CPEB1: variants seen among roughly 807,000 people sequenced by gnomAD.
CPEB1 encodes cytoplasmic polyadenylation element-binding protein 1.
In CPEB1, 7 loss-of-function variants were observed where a neutral mutation model predicts 65.8. That is an observed-to-expected ratio of 0.11 (90% CI 0.06 to 0.20). The LOEUF is 0.20. Ranked by LOEUF, CPEB1 falls within the 10% of genes least tolerant of loss-of-function variation. CPEB1 has a pLI of 1.00. For missense variants in CPEB1, 551 were observed against 712.2 expected, an observed-to-expected ratio of 0.77 and a Z score of 2.58; for synonymous variants, 262 against 260.0, an observed-to-expected ratio of 1.01 and a Z score of -0.08.
In CPEB1 at chr15:82,544,530, C is replaced by T. The variant is rs2034824089; in HGVS notation, c.*62G>A. On this transcript the variant is annotated 3_prime_UTR_variant, in exon 13 of 13. Transcript: ENST00000684509. ...CCTGGTCGCCAGTGGCAGGGTGGTG[C>T]AGGCTGCTTGCCTGACCTGCCAGCT... 1 of 1,285,562 alleles carries T rather than the reference C, an allele frequency of 7.8e-7. No individual in the cohort carries two copies. Among genetic ancestry groups the T allele is most frequent in the Non-Finnish European group, 1.1e-6 (1 of 901,414 alleles). The allele number at this position is 1,285,562 out of a possible 1,614,324, so 79.6% of individuals were successfully genotyped here.
chr15:82,580,232 A>T (rs936734409), intron 3 of CPEB1, among the ~76,000 whole-genome samples: 8 of 151,596 alleles, frequency 5.3e-5, no homozygotes, highest in Non-Finnish European at 8.8e-5. Flanking sequence ...GAGGCAGAAG[A>T]ATCGCTTGAA....
upstream of CPEB1, chr15:82,647,894 C>T (rs1412260803): frequency 8.1e-7 from 1 of 1,233,452 alleles, no homozygotes; most frequent in South Asian, 3.6e-5. Flanking sequence ...CCCTGCGGGG[C>T]TGACGGGCTG....
At chr15:82,560,444 G>A (rs2038003281) in intron 4 of CPEB1, among the ~76,000 whole-genome samples, 1 of 147,282 alleles carries the variant, frequency 6.8e-6, no homozygotes, top group African/African-American at 2.5e-5. Context: ...CTGTTGCCCA[G>A]GCTGGAGTGC....
At chr15:82,604,943 G>C (rs1284387032) in intron 3 of CPEB1, among the ~76,000 whole-genome samples, 1 of 152,128 alleles carries the variant, frequency 6.6e-6, no homozygotes, top group East Asian at 1.9e-4. Flanking sequence ...CCTACACCAA[G>C]ACACATTAAA....
chr15:82,592,280 C>T (rs1389122100), intron 3 of CPEB1, among the ~76,000 whole-genome samples: 1 of 152,096 alleles, frequency 6.6e-6, no homozygotes, highest in African/African-American at 2.4e-5. Flanking sequence ...TTTTTGGTTT[C>T]CCAGTGCACA....
In CPEB1 at chr15:82,589,368, G is replaced by A. The variant is rs2042041448; in HGVS notation, c.272-17836C>T. Among the ~76,000 whole-genome samples the A allele has an allele frequency of 2.6e-5, 4 of 152,288 alleles. No individual in the cohort carries two copies. The South Asian group carries it at 8.3e-4, about 32-fold the overall frequency. ...AGAGACCTCAATTGTATGTGGGGCG[G>A]CAATTTAATCACTAACCCCTGCCCC... On this transcript the variant is annotated intron_variant, in intron 3 of 12. Transcript: ENST00000684509.
intron 3 of CPEB1, among the ~76,000 whole-genome samples, chr15:82,610,021 C>T (rs570941910): frequency 6.7e-6 from 1 of 148,202 alleles, no homozygotes; most frequent in Non-Finnish European, 1.5e-5. Context: ...GATCACCCCA[C>T]TGCACTCCAG....
intron 3 of CPEB1, among the ~76,000 whole-genome samples, chr15:82,608,249 A>T (rs1371056007): frequency 2.6e-5 from 4 of 151,432 alleles, no homozygotes; most frequent in African/African-American, 9.8e-5. Flanking sequence ...GGCACCTGGG[A>T]TATTTAATAA....
At chr15:82,610,055 C>T (rs1298885754) in intron 3 of CPEB1, among the ~76,000 whole-genome samples, 1 of 121,174 alleles carries the variant, frequency 8.3e-6, no homozygotes, top group South Asian at 3.0e-4. Context: ...AGCAAACCTC[C>T]GTGGCAAAAA....
At chr15:82,599,099 G>C (rs2042896709) in intron 3 of CPEB1, among the ~76,000 whole-genome samples, 1 of 152,146 alleles carries the variant, frequency 6.6e-6, no homozygotes, top group Non-Finnish European at 1.5e-5. Flanking sequence ...ATTAAATAAA[G>C]CTGACAAATG....
In CPEB1 at chr15:82,547,081, G is replaced by A. The variant is rs571323411; in HGVS notation, c.1575+62C>T. 9.6e-5 allele frequency: 110 copies of A among 1,141,566 alleles called. 1 individual carries two copies. The South Asian group carries it at 1.2e-3, about 13-fold the overall frequency. 70.7% of individuals were successfully genotyped at this position (1,141,566 alleles called of 1,614,324 possible). On this transcript the variant is annotated intron_variant, in intron 11 of 12. Transcript: ENST00000684509. Reference sequence around the variant, plus strand: ...GCTTCAGGTCTCAGGCCTGCCCTGGGTAGTAACTGCCCAAACCCCTCTCAT... The same window carrying A: ...GCTTCAGGTCTCAGGCCTGCCCTGGATAGTAACTGCCCAAACCCCTCTCAT...
chr15:82,623,650 T>C (rs996750099), intron 3 of CPEB1, among the ~76,000 whole-genome samples: 1 of 152,192 alleles, frequency 6.6e-6, no homozygotes, highest in Non-Finnish European at 1.5e-5. Flanking sequence ...CACTCCAGCC[T>C]GGACAACAGA....
rs562004419 is a variant in CPEB1, at chr15:82,565,838, C to G, written c.460+5506G>C. On this transcript the variant is annotated intron_variant, in intron 4 of 12. Coordinates refer to ENST00000684509, the MANE Select transcript of CPEB1 (RefSeq NM_001365242.1). ...GTCCAAGTGTCCAGCAAATTCCTAT[C>G]TTCTAAAAATGGGTAAGACATTGTG... 5.9e-5 allele frequency among the ~76,000 whole-genome samples: 9 copies of G among 152,328 alleles called. No individual in the cohort carries two copies. The South Asian group carries it at 1.2e-3, about 21-fold the overall frequency.
intron 3 of CPEB1, chr15:82,572,208 C>A (rs1174962178): frequency 6.6e-6 from 1 of 152,624 alleles, no homozygotes; most frequent in Non-Finnish European, 1.5e-5. Flanking sequence ...CAAAGCTTCA[C>A]AGTCCTGCTA....
chr15:82,606,385 C>T (rs2043596803), intron 3 of CPEB1, among the ~76,000 whole-genome samples: 1 of 150,354 alleles, frequency 6.7e-6, no homozygotes, highest in Non-Finnish European at 1.5e-5. Flanking sequence ...GGGAGAACTG[C>T]TTGAACCCAG....
intron 1 of CPEB1, among the ~76,000 whole-genome samples, chr15:82,640,075 T>A (rs868637701): frequency 6.6e-6 from 1 of 152,192 alleles, no homozygotes; most frequent in Non-Finnish European, 1.5e-5. Flanking sequence ...AGAACCACTA[T>A]ATGCTGACTC....
chr15:82,593,846 C>T (rs1363812423), intron 3 of CPEB1, among the ~76,000 whole-genome samples: 1 of 152,184 alleles, frequency 6.6e-6, no homozygotes, highest in African/African-American at 2.4e-5. Flanking sequence ...GCTCGAGTGA[C>T]CAAGTGCATT....
chr15:82,546,928 G>A (rs1444531727), intron 11 of CPEB1, among the ~76,000 whole-genome samples: 2 of 152,178 alleles, frequency 1.3e-5, no homozygotes, highest in Non-Finnish European at 2.9e-5. Flanking sequence ...CCTACACACT[G>A]AAGAGGCTCA....
intron 3 of CPEB1, among the ~76,000 whole-genome samples, chr15:82,582,865 CCT>C: frequency 6.6e-6 from 1 of 151,730 alleles, no homozygotes; most frequent in South Asian, 2.1e-4. Context: ...CCTCAGCCTC[CCT>C]GAGTAGCTCG....
Sources: allele counts gnomAD v4.1 joint callset (sites outside exome capture counted in the v4.1 genomes callset), GRCh38; gene constraint gnomAD v4.1.1; transcripts MANE v1.5; gene names NCBI Gene and HGNC (gene_info 2026-07-23, HGNC 2026-07-21).